VAPB: variants seen among roughly 807,000 people sequenced by gnomAD.
VAPB encodes VAMP associated protein B and C, also known as vesicle-associated membrane protein-associated protein B/C.
A neutral mutation model predicts 25.6 loss-of-function variants in VAPB; 7 were observed. The observed-to-expected ratio is 0.27, with a 90% confidence interval of 0.16 to 0.51. The LOEUF is 0.51. Among genes scored for constraint, VAPB ranks in the 20% least tolerant of loss-of-function variants. The pLI is 0.97. For synonymous variants in VAPB, 112 were observed against 109.2 expected, an observed-to-expected ratio of 1.03 and a Z score of -0.16; for missense variants, 266 against 301.3, an observed-to-expected ratio of 0.88 and a Z score of 0.87.
Position 58,434,617 on chromosome 20 carries a change from T to C in VAPB, c.227T>C (p.Phe76Ser). 1.3e-6 allele frequency: 2 copies of C among 1,573,052 alleles called. No individual in the cohort carries two copies. Among genetic ancestry groups the C allele is most frequent in the Non-Finnish European group, 1.7e-6 (2 of 1,143,126 alleles). Residue 76 changes from phenylalanine (F) to serine (S), a missense_variant, in exon 3 of 6, where the codon TTC becomes TCC. Physicochemically the swap from Phe to Ser is radical, Grantham distance 155 (BLOSUM62 -2). This residue lies in a region of VAPB where 98 missense variants were observed against 147.1 expected (regional missense o/e 0.67). Transcript: ENST00000475243. ...TCTTTCTCAGTGATGTTACAGCCTT[T>C]CGATTATGATCCCAATGAGAAAAGT... ...SINVSVMLQP[F>S]DYDPNEKSKH...
intron 1 of VAPB, among the ~76,000 whole-genome samples, chr20:58,397,161 T>A (rs1987978691): frequency 6.6e-6 from 1 of 152,242 alleles, no homozygotes; most frequent in South Asian, 2.1e-4. Context: ...CCAAAGAATG[T>A]TTGATTTCTC....
Position 58,447,655 on chromosome 20 carries a change from TGTGTGTG to T in VAPB, c.*3421_*3427del, listed in dbSNP as rs756644438. 18 of 326,422 alleles carry T rather than the reference TGTGTGTG, an allele frequency of 5.5e-5. No homozygotes were observed. Among genetic ancestry groups the T allele is most frequent in the African/African-American group, 5.4e-4 (8 of 14,684 alleles). The allele number at this position is 326,422 out of a possible 1,614,324, so 20.2% of individuals were successfully genotyped here. On this transcript the variant is annotated 3_prime_UTR_variant, in exon 6 of 6. Coordinates refer to ENST00000475243, the MANE Select transcript of VAPB (RefSeq NM_004738.5). ...GATGAATTTGAAAACAGACTCTGTG[TGTGTGTG>T]CATGTGTGCATGTGTGCATGTGTGG... is the stretch of plus-strand genomic sequence containing the variant.
At position 58,441,171 on chromosome 20, in the gene VAPB, A is replaced by G. The variant is rs776823232; in HGVS notation, c.573+88A>G. 8.2e-5 allele frequency: 117 copies of G among 1,424,296 alleles called. 1 individual carries two copies. The highest frequency in any genetic ancestry group is 1.7e-4 in the Middle Eastern group (1 of 5,774). The allele number at this position is 1,424,296 out of a possible 1,614,324, so 88.2% of individuals were successfully genotyped here. A position where few individuals can be genotyped will look rare whatever the true frequency, so the allele number is the denominator to read the frequency against. On this transcript the variant is annotated intron_variant, in intron 5 of 5. Transcript: ENST00000475243. ...GGGAAGTTGATGAGCCAGTGAATAT[A>G]TAGATTTCTTTTTGCTTTTGGTATT...
In VAPB at chr20:58,389,501, C is replaced by T. The variant is rs1987730373; in HGVS notation, c.42C>T (p.His14=). Residue 14 remains histidine, a synonymous_variant, in exon 1 of 6, where the codon CAC becomes CAT. Coordinates refer to ENST00000475243, the MANE Select transcript of VAPB (RefSeq NM_004738.5). The stretch of plus-strand genomic sequence containing the variant: ...AGGTCCTGAGCCTCGAGCCGCAGCA[C>T]GAGCTCAAATTCCGAGGTAAGCCCC... ...VEQVLSLEPQ[H]ELKFRGPFTD... is the part of the protein sequence containing the mutation. 1.3e-6 allele frequency: 2 copies of T among 1,592,522 alleles called. No homozygotes were observed. Among genetic ancestry groups the T allele is most frequent in the Non-Finnish European group, 1.7e-6 (2 of 1,170,538 alleles).
At chr20:58,436,192 AT>A (rs887516674) in intron 3 of VAPB, among the ~76,000 whole-genome samples, 10 of 152,006 alleles carry the variant, frequency 6.6e-5, no homozygotes, top group South Asian at 2.1e-4. Flanking sequence ...ATAAGTTTAA[AT>A]TTTTTTTATA....
chr20:58,441,230 A>G (rs1211286457), intron 5 of VAPB, 147 bp downstream of exon 5: 2 of 847,140 alleles, frequency 2.4e-6, no homozygotes, highest in Admixed American at 2.3e-5. Context: ...AGAAATTTCC[A>G]TGGCTTTCAT....
chr20:58,411,868 A>T (rs186565126), intron 1 of VAPB, among the ~76,000 whole-genome samples: 414 of 151,976 alleles, frequency 2.7e-3, no homozygotes, highest in Non-Finnish European at 4.3e-3. Context: ...TTTAGTAGAG[A>T]CGGGGTTTCA....
Position 58,449,720 on chromosome 20 carries a change from T to A in VAPB, c.*5485T>A. 2.2e-6 allele frequency: 1 copy of A among 454,140 alleles called. No homozygotes were observed. The highest frequency in any genetic ancestry group is 1.6e-5 in the South Asian group (1 of 64,472). 28.1% of individuals were successfully genotyped at this position (454,140 alleles called of 1,614,324 possible). On this transcript the variant is annotated 3_prime_UTR_variant, in exon 6 of 6. Transcript: ENST00000475243. ...CATTGATCCTGTAACAATGCCCGAT[T>A]ACAATTGCTTTATTACACCCCAGGG... is the stretch of plus-strand genomic sequence containing the variant.
At chr20:58,427,494 C>A (rs1001006984) in intron 2 of VAPB, among the ~76,000 whole-genome samples, 3 of 151,758 alleles carry the variant, frequency 2.0e-5, no homozygotes, top group African/African-American at 7.3e-5. Flanking sequence ...TGATCTGTTA[C>A]CATTATGATG....
Position 58,447,589 on chromosome 20 carries a change from G to A in VAPB, c.*3354G>A. 2 of 454,118 alleles carry A rather than the reference G, an allele frequency of 4.4e-6. No homozygotes were observed. Among genetic ancestry groups the A allele is most frequent in the South Asian group, 3.1e-5 (2 of 64,478 alleles). The allele number at this position is 454,118 out of a possible 1,614,324, so 28.1% of individuals were successfully genotyped here. ...TTTGCAGGCTATGTTGAGTCAGATA[G>A]AACTGAATGTAGTGAGAGCTCAGAG... On this transcript the variant is annotated 3_prime_UTR_variant, in exon 6 of 6. Transcript: ENST00000475243.
At position 58,450,280 on chromosome 20, in the gene VAPB, G is replaced by C. The variant is rs1455425435; in HGVS notation, c.*6045G>C. The C allele has an allele frequency of 2.2e-6, 1 of 453,100 alleles. No homozygotes were observed. The highest frequency in any genetic ancestry group is 2.0e-5 in the African/African-American group (1 of 49,844). The allele number at this position is 453,100 out of a possible 1,614,324, so 28.1% of individuals were successfully genotyped here. On this transcript the variant is annotated 3_prime_UTR_variant, in exon 6 of 6. Transcript: ENST00000475243. ...GTCAGAATTTATTGTCTGTGATATT[G>C]AGACCATGTGTACAAGAACTACTTT...
intron 1 of VAPB, among the ~76,000 whole-genome samples, chr20:58,412,164 G>T (rs990196946): frequency 6.6e-6 from 1 of 152,092 alleles, no homozygotes; most frequent in Non-Finnish European, 1.5e-5. Context: ...TTTTGGTGTT[G>T]TAAGTAGTCA....
At chr20:58,391,302 G>A (rs1987790248) in intron 1 of VAPB, among the ~76,000 whole-genome samples, 1 of 152,140 alleles carries the variant, frequency 6.6e-6, no homozygotes, top group Non-Finnish European at 1.5e-5. Context: ...CTTTAGGGAA[G>A]GGGGCAGATG....
rs1258243808 is a variant in VAPB at position 58,447,689 on chromosome 20, A to G, written c.*3454A>G. On this transcript the variant is annotated 3_prime_UTR_variant, in exon 6 of 6. Coordinates refer to ENST00000475243, the MANE Select transcript of VAPB (RefSeq NM_004738.5). ...ATGTGTGCATGTGTGCATGTGTGGCATATGTGCCGTATGTCAGTAGCTTGA... is the reference window on the plus strand; with the variant it reads ...ATGTGTGCATGTGTGCATGTGTGGCGTATGTGCCGTATGTCAGTAGCTTGA... The G allele has an allele frequency of 2.2e-6, 1 of 453,304 alleles. No individual in the cohort carries two copies. The highest frequency in any genetic ancestry group is 4.4e-6 in the Non-Finnish European group (1 of 226,522). The allele number at this position is 453,304 out of a possible 1,614,324, so 28.1% of individuals were successfully genotyped here.
intron 2 of VAPB, among the ~76,000 whole-genome samples, chr20:58,424,729 T>TACTG (rs1458944422): frequency 6.6e-6 from 1 of 152,258 alleles, no homozygotes; most frequent in Non-Finnish European, 1.5e-5. Flanking sequence ...CTTCCATTGA[T>TACTG]ACTGGAGAAA....
At chr20:58,443,958 G>C in intron 5 of VAPB, 119 bp from the exon 6 acceptor site, 1 of 1,469,460 alleles carries the variant, frequency 6.8e-7, no homozygotes, top group Non-Finnish European at 9.4e-7. Context: ...GCAAAATGCG[G>C]TTGGACCATA....
intron 1 of VAPB, among the ~76,000 whole-genome samples, chr20:58,396,363 A>G (rs1987959513): frequency 6.6e-6 from 1 of 152,214 alleles, no homozygotes; most frequent in Non-Finnish European, 1.5e-5. Context: ...GCATTTCAGT[A>G]GGCTCCTTCA....
intron 1 of VAPB, among the ~76,000 whole-genome samples, chr20:58,401,492 A>G (rs1988094603): frequency 6.6e-6 from 1 of 152,066 alleles, no homozygotes; most frequent in Non-Finnish European, 1.5e-5. Flanking sequence ...AGTCTTCACT[A>G]CCATTTGACC....
chr20:58,447,648 C>G lies in VAPB; in HGVS notation c.*3413C>G, dbSNP rs1256122703. 1 of 371,158 alleles carries G rather than the reference C, an allele frequency of 2.7e-6. No homozygotes were observed. The highest frequency in any genetic ancestry group is 2.8e-5 in the Admixed American group (1 of 35,332). The allele number at this position is 371,158 out of a possible 1,614,324, so 23.0% of individuals were successfully genotyped here. On this transcript the variant is annotated 3_prime_UTR_variant, in exon 6 of 6. Coordinates refer to ENST00000475243, the MANE Select transcript of VAPB (RefSeq NM_004738.5). The stretch of plus-strand genomic sequence containing the variant: ...CCTTTCAGATGAATTTGAAAACAGA[C>G]TCTGTGTGTGTGTGCATGTGTGCAT...
Sources: gnomAD v4.1 joint callset for allele counts (sites outside exome capture counted in the v4.1 genomes callset) on GRCh38, gnomAD v4.1.1 for gene constraint, gnomAD v4.1.1 regional missense constraint, MANE v1.5 for transcripts, NCBI Gene and HGNC (gene_info 2026-07-23, HGNC 2026-07-21) for gene names.